Variants in UTRN observed in about 807,000 individuals in gnomAD.
The protein encoded by UTRN is utrophin, also known as dystrophin-related protein 1.
A neutral mutation model predicts 463.9 loss-of-function variants in UTRN; 283 were observed. The ratio of observed to expected loss-of-function variants is 0.61; its 90% confidence interval spans 0.55 to 0.67. The LOEUF (loss-of-function observed/expected upper bound fraction) is 0.67. Among genes scored for constraint, UTRN ranks in the 30% least tolerant of loss-of-function variants. The pLI is 0.00. For synonymous variants in UTRN, 1,442 were observed against 1,431.5 expected (o/e 1.01, Z -0.17); for missense variants, 3,922 against 4,084.3 (o/e 0.96, Z 1.08).
At chr6:144,514,439 TCTTA>T (rs1795440837) in intron 36 of UTRN, among the ~76,000 whole-genome samples, 1 of 152,166 alleles carries the variant, frequency 6.6e-6, no homozygotes, top group Non-Finnish European at 1.5e-5. Flanking sequence ...CTCCAGCGAG[TCTTA>T]CTTCTGTATT....
At chr6:144,494,706 A>G (rs1310501374) in intron 33 of UTRN, among the ~76,000 whole-genome samples, 1 of 152,174 alleles carries the variant, frequency 6.6e-6, no homozygotes, top group Non-Finnish European at 1.5e-5. Context: ...AGCTAGATAC[A>G]GAGTGTGGAC....
intron 2 of UTRN, among the ~76,000 whole-genome samples, chr6:144,369,390 G>C (rs953303697): frequency 2.6e-5 from 4 of 152,188 alleles, no homozygotes; most frequent in African/African-American, 9.7e-5. Flanking sequence ...AGGCTGAAGT[G>C]GGCAGATCAC....
chr6:144,696,773 A>G (rs1486754723), intron 52 of UTRN, among the ~76,000 whole-genome samples: 3 of 152,168 alleles, frequency 2.0e-5, no homozygotes, highest in Non-Finnish European at 4.4e-5. Flanking sequence ...TGCTCCGTAA[A>G]TGTTTACTTG....
chr6:144,730,770 GA>G (rs1244160633), intron 54 of UTRN, among the ~76,000 whole-genome samples: 2 of 151,396 alleles, frequency 1.3e-5, no homozygotes, highest in Non-Finnish European at 3.0e-5. Context: ...ATTTCTATAA[GA>G]AATAAAAATT....
chr6:144,740,544 T>C (rs1050637812), intron 54 of UTRN, among the ~76,000 whole-genome samples: 1 of 152,218 alleles, frequency 6.6e-6, no homozygotes, highest in Non-Finnish European at 1.5e-5. Context: ...CAAATTAGAT[T>C]AGTAAAGTTG....
intron 17 of UTRN, 45 bp downstream of exon 17, chr6:144,448,814 C>G (rs776425216): frequency 6.3e-7 from 1 of 1,583,518 alleles, no homozygotes; most frequent in African/African-American, 1.4e-5. Context: ...ATTGCACATA[C>G]TATATTTTCT....
intron 66 of UTRN, among the ~76,000 whole-genome samples, chr6:144,824,431 C>CACTATGTATATAT (rs149467521): frequency 3.2e-4 from 36 of 112,690 alleles, no homozygotes; most frequent in South Asian, 1.3e-3. Flanking sequence ...CACACACACA[C>CACTATGTATATAT]ATTGTATATA....
intron 51 of UTRN, among the ~76,000 whole-genome samples, chr6:144,627,463 A>G (rs1460592697): frequency 6.6e-5 from 10 of 152,222 alleles, no homozygotes; most frequent in Admixed American, 3.3e-4. Context: ...ATGGTGAAAT[A>G]TACAAAATAT....
intron 8 of UTRN, among the ~76,000 whole-genome samples, chr6:144,429,104 A>G (rs935229915): frequency 3.3e-5 from 5 of 152,206 alleles, no homozygotes; most frequent in Admixed American, 1.3e-4. Flanking sequence ...AAATTTAACT[A>G]CAGCACTGGA....
intron 13 of UTRN, among the ~76,000 whole-genome samples, chr6:144,443,569 T>C (rs958914052): frequency 1.3e-5 from 2 of 152,154 alleles, no homozygotes; most frequent in African/African-American, 4.8e-5. Context: ...AATTTTAACA[T>C]TTGTTAATCA....
chr6:144,509,299 T>A (rs926568105), intron 34 of UTRN, among the ~76,000 whole-genome samples: 1 of 152,074 alleles, frequency 6.6e-6, no homozygotes, highest in African/African-American at 2.4e-5. Context: ...TGTAAAAATA[T>A]ACTTTTCGGT....
intron 41 of UTRN, among the ~76,000 whole-genome samples, chr6:144,524,337 CT>C (rs1796372220): frequency 6.6e-6 from 1 of 151,980 alleles, no homozygotes; most frequent in Admixed American, 6.6e-5. Context: ...TTTTAAACCC[CT>C]GTATTATATC....
Position 144,583,410 on chromosome 6 carries a change from T to TC in UTRN, c.7479+6123dup, listed in dbSNP as rs1802167087. ...CGAGCATGCTCAGAGAACTGACAAA[T>TC]CATTGTCCAGTGACCGGGAGGAAAT... On this transcript the variant is annotated intron_variant, in intron 51 of 74. Transcript: ENST00000367545. 3 of 621,190 alleles carry TC rather than the reference T, an allele frequency of 4.8e-6. No individual in the cohort carries two copies. In the South Asian group the frequency reaches 6.0e-5, roughly 13 times the overall value. 38.5% of individuals were successfully genotyped at this position (621,190 alleles called of 1,614,324 possible).
intron 2 of UTRN, among the ~76,000 whole-genome samples, chr6:144,355,766 T>G (rs1421621077): frequency 6.6e-6 from 1 of 152,118 alleles, no homozygotes. Context: ...GTTACCCAGT[T>G]TTCCCCACTG....
intron 51 of UTRN, among the ~76,000 whole-genome samples, chr6:144,609,536 A>G (rs2128641369): frequency 6.6e-6 from 1 of 152,338 alleles, no homozygotes; most frequent in African/African-American, 2.4e-5. Context: ...GATTATCCAT[A>G]CAGAAAATCA....
intron 52 of UTRN, among the ~76,000 whole-genome samples, chr6:144,679,215 A>G (rs900141991): frequency 6.6e-6 from 1 of 152,154 alleles, no homozygotes; most frequent in Non-Finnish European, 1.5e-5. Flanking sequence ...GAACCTTAGG[A>G]CCAGAATTCT....
At chr6:144,699,904 A>G (rs781281097) in intron 52 of UTRN, among the ~76,000 whole-genome samples, 183 bp from the exon 53 acceptor site, 3 of 148,434 alleles carry the variant, frequency 2.0e-5, no homozygotes, top group Non-Finnish European at 4.5e-5. Flanking sequence ...TCATACATAT[A>G]TATGTATATA....
chr6:144,663,610 A>G (rs1780101616), intron 51 of UTRN, among the ~76,000 whole-genome samples: 2 of 152,108 alleles, frequency 1.3e-5, no homozygotes, highest in South Asian at 4.1e-4. Flanking sequence ...CAGACCTGCT[A>G]CTGAATGGTT....
Position 144,453,608 on chromosome 6 carries a change from A to AT in UTRN, c.2197-166dup, listed in dbSNP as rs560738173. On this transcript the variant is annotated intron_variant, in intron 18 of 74. Transcript: ENST00000367545. ...ATAGGAGCTTATAATTATGAGGTAC[A>AT]TTTTTTTTCTTACAAAAGAAACCAA... Among the ~76,000 whole-genome samples, 429 of 152,206 alleles carry AT rather than the reference A, an allele frequency of 2.8e-3. 1 individual carries two copies. The highest frequency in any genetic ancestry group is 8.7e-3 in the African/African-American group (363 of 41,536).
Sources: allele counts gnomAD v4.1 joint callset (sites outside exome capture counted in the v4.1 genomes callset), GRCh38; gene constraint gnomAD v4.1.1; transcripts MANE v1.5; gene names NCBI Gene and HGNC (gene_info 2026-07-23, HGNC 2026-07-21).